The following TTC29 variants were observed in gnomAD, a reference collection of about 807,000 sequenced individuals.
The protein encoded by TTC29 is tetratricopeptide repeat protein 29.
A neutral mutation model predicts 58.1 loss-of-function variants in TTC29; 49 were observed. The observed-to-expected ratio is 0.84, with a 90% CI of 0.67 to 1.07. The LOEUF is 1.07. TTC29 is among the 50% of genes least tolerant of loss of function. TTC29 has a pLI of 0.00. For missense variants in TTC29, 582 were observed against 555.6 expected (o/e 1.05, Z -0.48); for synonymous variants, 209 against 196.8 (o/e 1.06, Z -0.52).
intron 11 of TTC29, among the ~76,000 whole-genome samples, chr4:146,792,771 A>G (rs962573804): frequency 6.6e-6 from 1 of 152,222 alleles, no homozygotes; most frequent in Non-Finnish European, 1.5e-5. Context: ...AAGTAAATGG[A>G]AAATCTTCTA....
At chr4:146,804,291 C>T (rs1174965389) in intron 10 of TTC29, among the ~76,000 whole-genome samples, 2 of 152,120 alleles carry the variant, frequency 1.3e-5, no homozygotes, top group Non-Finnish European at 2.9e-5. Context: ...GGGTTTTGAG[C>T]ACAAAACAGG....
intron 4 of TTC29, among the ~76,000 whole-genome samples, chr4:146,913,405 C>A (rs1046183759): frequency 2.0e-5 from 3 of 152,012 alleles, no homozygotes; most frequent in African/African-American, 4.8e-5. Context: ...TTTGGTCCAC[C>A]CAGCATCTAG....
chr4:146,807,767 A>T (rs1351999249), intron 10 of TTC29, among the ~76,000 whole-genome samples: 2 of 152,210 alleles, frequency 1.3e-5, no homozygotes, highest in East Asian at 3.8e-4. Context: ...AACCAAAAAA[A>T]GCCCAGGACC....
At chr4:146,790,587 T>C (rs928947117) in intron 11 of TTC29, among the ~76,000 whole-genome samples, 3 of 152,256 alleles carry the variant, frequency 2.0e-5, no homozygotes, top group South Asian at 2.1e-4. Flanking sequence ...TAAATCTCCA[T>C]TCCTATGCTT....
chr4:146,740,831 G>C (rs960292319), intron 11 of TTC29, among the ~76,000 whole-genome samples: 2 of 152,076 alleles, frequency 1.3e-5, no homozygotes, highest in African/African-American at 4.8e-5. Flanking sequence ...CTGGGCTCAA[G>C]TGATCCTCCC....
At chr4:146,730,015 A>G (rs2150019457) in intron 11 of TTC29, among the ~76,000 whole-genome samples, 2 of 152,222 alleles carry the variant, frequency 1.3e-5, no homozygotes, top group Middle Eastern at 6.8e-3. Context: ...AGAAGCTAGA[A>G]TAGTATTATT....
chr4:146,766,482 G>T (rs1747330908), intron 11 of TTC29, among the ~76,000 whole-genome samples: 1 of 151,878 alleles, frequency 6.6e-6, no homozygotes, highest in African/African-American at 2.4e-5. Flanking sequence ...TGTCTTGCAG[G>T]GATAGGTAGG....
chr4:146,831,887 T>A (rs1043672787), intron 9 of TTC29: 1 of 201,704 alleles, frequency 5.0e-6, no homozygotes, highest in African/African-American at 2.3e-5. Context: ...TAGTAGATGT[T>A]TATAAATAAA....
At chr4:146,846,409 A>C (rs939440690) in intron 8 of TTC29, among the ~76,000 whole-genome samples, 5 of 152,152 alleles carry the variant, frequency 3.3e-5, no homozygotes, top group South Asian at 4.1e-4. Flanking sequence ...GGTATTTGGA[A>C]CGATTCTTCT....
intron 10 of TTC29, among the ~76,000 whole-genome samples, chr4:146,812,558 C>T (rs1468202165): frequency 6.6e-6 from 1 of 152,060 alleles, no homozygotes; most frequent in Non-Finnish European, 1.5e-5. Context: ...TTATAAGTGC[C>T]TTTTTACTCT....
At chr4:146,936,945 A>C (rs1735878380) in intron 4 of TTC29, among the ~76,000 whole-genome samples, 1 of 152,070 alleles carries the variant, frequency 6.6e-6, no homozygotes, top group Non-Finnish European at 1.5e-5. Context: ...GTGATAACAG[A>C]GCCACTAAGT....
chr4:146,750,975 C>T (rs897323063), intron 11 of TTC29, among the ~76,000 whole-genome samples: 3 of 152,126 alleles, frequency 2.0e-5, no homozygotes, highest in Admixed American at 6.6e-5. Flanking sequence ...TACAAAAGCC[C>T]TGTTTAAGCT....
At chr4:146,826,920 AAG>A (rs755050798) in intron 9 of TTC29, among the ~76,000 whole-genome samples, 3 of 151,204 alleles carry the variant, frequency 2.0e-5, no homozygotes, top group Non-Finnish European at 1.5e-5. Flanking sequence ...ATGCTTCATG[AAG>A]TTCTCATGCT....
At position 146,930,118 on chromosome 4, in the gene TTC29, T is replaced by TATATATATATATAC. The variant is rs1334021950; in HGVS notation, c.176+7475_176+7476insGTATATATATATAT. Among the ~76,000 whole-genome samples the TATATATATATATAC allele has an allele frequency of 3.7e-3, 475 of 128,622 alleles. 6 individuals are homozygous for TATATATATATATAC. Among genetic ancestry groups the TATATATATATATAC allele is most frequent in the Non-Finnish European group, 5.4e-3 (329 of 61,204 alleles). The allele number at this position is 128,622 out of a possible 152,430, so 84.4% of individuals were successfully genotyped here. ...ATATATATATATATATATATATATA[T>TATATATATATATAC]ACACACATATATATCTTGATAAGTT... On this transcript the variant is annotated intron_variant, in intron 4 of 12. Transcript: ENST00000325106.
chr4:146,814,455 C>T (rs1366975414), intron 10 of TTC29, among the ~76,000 whole-genome samples: 1 of 151,524 alleles, frequency 6.6e-6, no homozygotes, highest in Admixed American at 6.6e-5. Flanking sequence ...GGGACGGGCA[C>T]GGTGGCTCAT....
At chr4:146,771,202 T>A (rs1335981111) in intron 11 of TTC29, among the ~76,000 whole-genome samples, 1 of 152,096 alleles carries the variant, frequency 6.6e-6, no homozygotes, top group Non-Finnish European at 1.5e-5. Flanking sequence ...GGACTTTAGT[T>A]GTCAGTTTTA....
rs148806718 is a variant in TTC29 at position 146,767,198 on chromosome 4, G to A, written c.1330+36259C>T. ...CCCTTGTAGTTAATCATATCTGATA[G>A]CTAGAATCAGAGAGCCCTGGTTTTA... On this transcript the variant is annotated intron_variant, in intron 11 of 12. Coordinates refer to ENST00000325106, the MANE Select transcript of TTC29 (RefSeq NM_031956.4). Among the ~76,000 whole-genome samples the A allele has an allele frequency of 1.4e-4, 22 of 152,038 alleles. No individual in the cohort carries two copies. In the East Asian group the frequency reaches 3.5e-3, roughly 24 times the overall value.
intron 4 of TTC29, among the ~76,000 whole-genome samples, chr4:146,917,963 A>G (rs1292326877): frequency 6.6e-6 from 1 of 150,580 alleles, no homozygotes; most frequent in Non-Finnish European, 1.5e-5. Context: ...ATTCTGTTTC[A>G]GTTTTGATTT....
intron 11 of TTC29, among the ~76,000 whole-genome samples, chr4:146,797,962 T>C (rs913188324): frequency 2.6e-5 from 4 of 151,422 alleles, no homozygotes; most frequent in Non-Finnish European, 5.9e-5. Context: ...TCTGTTCAAT[T>C]TTTTTTTCAG....
Sources: gnomAD v4.1 joint callset for allele counts (sites outside exome capture counted in the v4.1 genomes callset) on GRCh38, gnomAD v4.1.1 for gene constraint, MANE v1.5 for transcripts, NCBI Gene and HGNC (gene_info 2026-07-23, HGNC 2026-07-21) for gene names.